The following CA4 variants were observed in gnomAD, a reference collection of about 807,000 sequenced individuals.
The protein encoded by CA4 is CA-IV.
In CA4, 24 loss-of-function variants were observed where a neutral mutation model predicts 34.5. That is an observed-to-expected ratio of 0.70 (90% CI 0.50 to 0.98). CA4 has a LOEUF of 0.98. CA4 is among the 50% of genes least tolerant of loss of function. The probability of loss-of-function intolerance (pLI) is 0.00; values close to 1 mark genes in which losing one functional copy is unlikely to be tolerated. For missense variants in CA4, 394 were observed against 396.7 expected (o/e 0.99, Z 0.06); for synonymous variants, 178 against 170.6 (o/e 1.04, Z -0.34).
At chr17:60,166,753 T>C (rs1219181610) in intron 5 of CA4, among the ~76,000 whole-genome samples, 3 of 151,806 alleles carry the variant, frequency 2.0e-5, no homozygotes, top group Non-Finnish European at 4.4e-5. Flanking sequence ...AGGTCAGGAG[T>C]TCGAGACCAG....
chr17:60,160,251 G>A (rs1293360826), downstream of CA4, among the ~76,000 whole-genome samples: 1 of 152,228 alleles, frequency 6.6e-6, no homozygotes, highest in African/African-American at 2.4e-5. Flanking sequence ...GGTGTCATGT[G>A]TGGGGATGGC....
chr17:60,178,577 C>T, the CA4 span, among the ~76,000 whole-genome samples: 3 of 152,354 alleles, frequency 2.0e-5, no homozygotes, highest in East Asian at 5.8e-4. Flanking sequence ...GGGTGGAAGG[C>T]ACACAGCTCT....
intron 2 of CA4, 144 bp downstream of exon 2, chr17:60,155,511 A>G (rs2083663560): frequency 1.6e-6 from 1 of 642,218 alleles, no homozygotes; most frequent in Non-Finnish European, 2.8e-6. Flanking sequence ...ACACACACAC[A>G]CACACACACA....
At chr17:60,163,694 C>T (rs2083821148), downstream of CA4, among the ~76,000 whole-genome samples, 2 of 152,210 alleles carry the variant, frequency 1.3e-5, no homozygotes, top group East Asian at 3.8e-4. Flanking sequence ...CCGCAGAGCC[C>T]TCGGCTGGAC....
downstream of CA4, among the ~76,000 whole-genome samples, chr17:60,174,147 T>C (rs2083937014): frequency 6.6e-6 from 1 of 151,554 alleles, no homozygotes; most frequent in South Asian, 2.1e-4. Context: ...TGAAGTGGTA[T>C]TTTCACTGGG....
chr17:60,156,491 G>C lies in CA4; in HGVS notation c.113-69G>C, dbSNP rs190458359. On this transcript the variant is annotated intron_variant, in intron 2 of 7. Transcript: ENST00000300900. The stretch of plus-strand genomic sequence containing the variant: ...AACTGAGTGGGTGGGCCTGACTTCA[G>C]TGGGGTGGTGGGGGCTACACCTTGG... 875 of 1,509,820 alleles carry C rather than the reference G, an allele frequency of 5.8e-4. 18 individuals are homozygous for C. In the East Asian group the frequency reaches 0.019, roughly 33 times the overall value. The allele number at this position is 1,509,820 out of a possible 1,614,324, so 93.5% of individuals were successfully genotyped here.
chr17:60,169,829 T>C (rs535392467), intron 5 of CA4, among the ~76,000 whole-genome samples: 1 of 152,358 alleles, frequency 6.6e-6, no homozygotes, highest in South Asian at 2.1e-4. Flanking sequence ...GTTTGAATTT[T>C]CCTCCAAATT....
chr17:60,178,108 T>C, the CA4 span, among the ~76,000 whole-genome samples: 1 of 152,132 alleles, frequency 6.6e-6, no homozygotes, highest in African/African-American at 2.4e-5. Context: ...AATAAAAAAA[T>C]TAGTGGACAT....
chr17:60,176,455 C>T, the CA4 span, among the ~76,000 whole-genome samples: 9 of 151,766 alleles, frequency 5.9e-5, no homozygotes, highest in African/African-American at 9.7e-5. Flanking sequence ...CCCAGACAGA[C>T]GACTAGGGAC....
At chr17:60,157,862 C>A in intron 5 of CA4, 74 bp downstream of exon 5, 1 of 1,529,260 alleles carries the variant, frequency 6.5e-7, no homozygotes. Context: ...AGACCTGGGA[C>A]TCCAGCGAGG....
At chr17:60,159,840 T>C (rs2083765600), downstream of CA4, among the ~76,000 whole-genome samples, 3 of 152,258 alleles carry the variant, frequency 2.0e-5, no homozygotes, top group South Asian at 6.2e-4. Context: ...AAACTGAGGC[T>C]GAGAAAGACA....
intron 1 of CA4, among the ~76,000 whole-genome samples, chr17:60,154,132 C>A (rs529859026): frequency 6.6e-6 from 1 of 151,382 alleles, no homozygotes; most frequent in South Asian, 2.1e-4. Context: ...GGGAACCGTG[C>A]TTTTCTTAGG....
Position 60,155,351 on chromosome 17 carries a change from C to A in CA4, c.96C>A (p.Ser32=). 1 of 1,610,846 alleles carries A rather than the reference C, an allele frequency of 6.2e-7. No individual in the cohort carries two copies. ...GCTACGAGGTTCAAGCCGAGTCCTC[C>A]AACTACCCCTGCTTGGGTGAGTACA... is the stretch of plus-strand genomic sequence containing the variant. ...HWCYEVQAES[S]NYPCLVPVKW... The change falls in exon 2 of 8, where the codon TCC becomes TCA. Residue 32 remains serine, a synonymous_variant. Transcript: ENST00000300900.
chr17:60,158,303 G>A lies in CA4; in HGVS notation c.601G>A (p.Glu201Lys). The change falls in exon 7 of 8, where the codon GAG becomes AAG. Residue 201 changes from glutamate to lysine, a missense_variant. Glu to Lys is a moderately conservative substitution (Grantham distance 56). Coordinates refer to ENST00000300900, the MANE Select transcript of CA4 (RefSeq NM_000717.5). ...CTCAGAGATGAGCACTACGATGGCA[G>A]AGAGCAGCCTGTTGGACCTGCTCCC... ...PKPEMSTTMA[E>K]SSLLDLLPKE... The A allele has an allele frequency of 1.9e-6, 3 of 1,614,162 alleles. No individual in the cohort carries two copies. The highest frequency in any genetic ancestry group is 2.5e-6 in the Non-Finnish European group (3 of 1,180,020).
Position 60,156,707 on chromosome 17 carries a change from G to A in CA4, c.260G>A (p.Gly87Glu). 3.7e-6 allele frequency: 6 copies of A among 1,614,128 alleles called. No individual in the cohort carries two copies. Among genetic ancestry groups the A allele is most frequent in the Non-Finnish European group, 5.1e-6 (6 of 1,179,986 alleles). Residue 87 changes from glycine to glutamate, a missense_variant, in exon 3 of 8, where the codon GGG (glycine) becomes GAG (glutamate). By Grantham distance (98) the Gly-to-Glu change is moderately conservative. Transcript: ENST00000300900. Reference protein sequence around the residue: ...KKQTWTVQNNGHSVMMLLENK... With the variant: ...KKQTWTVQNNEHSVMMLLENK... ...CAAACGTGGACTGTCCAAAATAACG[G>A]GCACTCAGGTGGGCTGGATGGAGGC...
At chr17:60,172,063 G>C (rs965680766), downstream of CA4, among the ~76,000 whole-genome samples, 1 of 152,148 alleles carries the variant, frequency 6.6e-6, no homozygotes, top group Admixed American at 6.5e-5. Flanking sequence ...GCTCCCTGCT[G>C]ATCCCTAATG....
chr17:60,174,651 C>T (rs1168525249), downstream of CA4, among the ~76,000 whole-genome samples: 8 of 152,176 alleles, frequency 5.3e-5, no homozygotes, highest in Non-Finnish European at 1.2e-4. Flanking sequence ...CTTTTTGTTG[C>T]TCTCTCCTGT....
At chr17:60,159,928 C>T (rs1315318015), downstream of CA4, among the ~76,000 whole-genome samples, 2 of 152,140 alleles carry the variant, frequency 1.3e-5, no homozygotes, top group Admixed American at 6.5e-5. Flanking sequence ...TCACTTGAGC[C>T]CTGGAGTTCA....
intron 1 of CA4, 133 bp from the exon 2 acceptor site, chr17:60,155,181 T>A (rs1306984307): frequency 6.4e-6 from 5 of 780,082 alleles, no homozygotes; most frequent in Non-Finnish European, 1.1e-5. Context: ...CCCTCAATCC[T>A]GCTGCCAGGA....
Sources: allele counts gnomAD v4.1 joint callset (sites outside exome capture counted in the v4.1 genomes callset), GRCh38; gene constraint gnomAD v4.1.1; transcripts MANE v1.5; gene names NCBI Gene and HGNC (gene_info 2026-07-23, HGNC 2026-07-21).